The following TOX2 variants were observed in gnomAD, a reference collection of about 807,000 sequenced individuals.
TOX2 encodes TOX high mobility group box family member 2.
In TOX2, 15 loss-of-function variants were observed where a neutral mutation model predicts 47.4. That is an observed-to-expected ratio of 0.32 (90% CI 0.21 to 0.49). The LOEUF is 0.49. Ranked by LOEUF, TOX2 falls within the 20% of genes least tolerant of loss-of-function variation. The pLI, the probability that TOX2 is intolerant of heterozygous loss-of-function variation, is 0.99. For missense variants in TOX2, 622 were observed against 673.1 expected, an observed-to-expected ratio of 0.92 and a Z score of 0.84; for synonymous variants, 290 against 296.6, an observed-to-expected ratio of 0.98 and a Z score of 0.23.
At chr20:43,980,515 G>C (rs1056787718) in intron 2 of TOX2, among the ~76,000 whole-genome samples, 11 of 152,168 alleles carry the variant, frequency 7.2e-5, no homozygotes, top group Non-Finnish European at 1.3e-4. Context: ...TAATTGGGTT[G>C]TTTGTGACAC....
At chr20:43,929,454 C>G (rs1237443172) in intron 1 of TOX2, among the ~76,000 whole-genome samples, 1 of 152,132 alleles carries the variant, frequency 6.6e-6, no homozygotes, top group Non-Finnish European at 1.5e-5. Flanking sequence ...CCCTCAGTGA[C>G]TCCATTCCAG....
At chr20:43,931,683 T>C (rs1158273641) in intron 1 of TOX2, among the ~76,000 whole-genome samples, 5 of 152,098 alleles carry the variant, frequency 3.3e-5, no homozygotes, top group Non-Finnish European at 7.4e-5. Context: ...TTGCAGTTGT[T>C]CTGTGGGGGA....
chr20:43,981,736 G>A (rs1023715104), intron 2 of TOX2, among the ~76,000 whole-genome samples: 2 of 152,180 alleles, frequency 1.3e-5, no homozygotes, highest in Admixed American at 6.5e-5. Context: ...TCATCTTAGC[G>A]AAAAGGAAGT....
chr20:43,945,923 C>A, intron 1 of TOX2: 1 of 1,613,282 alleles, frequency 6.2e-7, no homozygotes, highest in Non-Finnish European at 8.5e-7. Context: ...ATGCAGCAGA[C>A]TCGCACAGAG....
At position 43,917,816 on chromosome 20, in the gene TOX2, A is replaced by T. The variant is rs192516256; in HGVS notation, c.99+2826A>T. 7.9e-5 allele frequency among the ~76,000 whole-genome samples: 12 copies of T among 152,364 alleles called. No individual in the cohort carries two copies. The East Asian group carries it at 2.3e-3, about 29-fold the overall frequency. ...ATTAAACACAATATTAGCATGCATT[A>T]GAAAAATAGCTTAACAGGTATGAAG... On this transcript the variant is annotated intron_variant, in intron 1 of 8. Transcript: ENST00000341197.
At chr20:43,998,906 C>T (rs762773088) in intron 2 of TOX2, among the ~76,000 whole-genome samples, 1 of 152,126 alleles carries the variant, frequency 6.6e-6, no homozygotes, top group African/African-American at 2.4e-5. Context: ...ATTACAGGCA[C>T]TCGCCACCAT....
chr20:44,040,422 G>T (rs182384452), intron 3 of TOX2, among the ~76,000 whole-genome samples: 3 of 152,264 alleles, frequency 2.0e-5, no homozygotes, highest in Non-Finnish European at 2.9e-5. Flanking sequence ...AGCTGGGAGG[G>T]GAGGCAGCAG....
Position 44,006,790 on chromosome 20 carries a change from A to G in TOX2, c.409A>G (p.Thr137Ala), listed in dbSNP as rs1254464852. The G allele has an allele frequency of 8.1e-6, 13 of 1,612,776 alleles. No individual in the cohort carries two copies. Among genetic ancestry groups the G allele is most frequent in the Admixed American group, 1.7e-5 (1 of 59,972 alleles). ...DSHLLSGQLPTIQEMVHSEVA... is the reference protein window; with the variant it reads ...DSHLLSGQLPAIQEMVHSEVA... ...CCACCTGCTGTCGGGCCAGCTGCCC[A>G]CGGTGAGTCCCTATCGCCTGCTGCA... The change falls in exon 3 of 9, where the codon ACG becomes GCG. Residue 137 changes from threonine to alanine, a missense_variant and splice_region_variant. Transcript: ENST00000341197.
chr20:43,993,465 G>A (rs184494334), intron 2 of TOX2, among the ~76,000 whole-genome samples: 479 of 152,148 alleles, frequency 3.1e-3, no homozygotes, highest in South Asian at 0.015. Context: ...TGGAGATGGG[G>A]ATGAGAGAGG....
At position 44,039,197 on chromosome 20, in the gene TOX2, AG is replaced by A. The variant is rs1463163030; in HGVS notation, c.412-12106del. 8.6e-6 allele frequency: 11 copies of A among 1,279,920 alleles called. No homozygotes were observed. In the East Asian group the frequency reaches 5.6e-4, roughly 65 times the overall value. The allele number at this position is 1,279,920 out of a possible 1,614,324, so 79.3% of individuals were successfully genotyped here. ...GTGAGGCCAGAGGATGGAGCAGGAG[AG>A]GGAAGGCTTCTCTGAGGAGGTGACA... On this transcript the variant is annotated intron_variant, in intron 3 of 8. Transcript: ENST00000341197.
At chr20:43,969,926 C>T (rs573853954) in intron 1 of TOX2, among the ~76,000 whole-genome samples, 1 of 152,318 alleles carries the variant, frequency 6.6e-6, no homozygotes, top group South Asian at 2.1e-4. Flanking sequence ...CTGCCCACCC[C>T]CTTGCCTGCC....
At chr20:44,048,143 C>A (rs1289455032) in intron 3 of TOX2, among the ~76,000 whole-genome samples, 2 of 151,822 alleles carry the variant, frequency 1.3e-5, no homozygotes, top group African/African-American at 4.8e-5. Context: ...TGCTTGAACC[C>A]TGGAGGTGGA....
Position 44,039,367 on chromosome 20 carries a change from A to T in TOX2, c.412-11939A>T, listed in dbSNP as rs1002055904. 5 of 1,238,358 alleles carry T rather than the reference A, an allele frequency of 4.0e-6. No homozygotes were observed. In the African/African-American group the frequency reaches 4.6e-5, roughly 11 times the overall value. 76.7% of individuals were successfully genotyped at this position (1,238,358 alleles called of 1,614,324 possible). ...TACAGATCCTCATGGAGCATTTTAC[A>T]TGGCTAGGCCATTGCTAAGTGGGCC... is the stretch of plus-strand genomic sequence containing the variant. On this transcript the variant is annotated intron_variant, in intron 3 of 8. Coordinates refer to ENST00000341197, the MANE Select transcript of TOX2 (RefSeq NM_001098797.2).
intron 1 of TOX2, among the ~76,000 whole-genome samples, chr20:43,919,951 CT>C (rs2069096121): frequency 6.6e-6 from 1 of 152,206 alleles, no homozygotes; most frequent in Admixed American, 6.5e-5. Flanking sequence ...GATTCCGTGT[CT>C]TTTGTCTGGC....
chr20:44,050,483 C>T lies in TOX2; in HGVS notation c.412-823C>T, dbSNP rs1045770576. Among the ~76,000 whole-genome samples, 7 of 152,114 alleles carry T rather than the reference C, an allele frequency of 4.6e-5. No homozygotes were observed. The East Asian group carries it at 5.8e-4, about 13-fold the overall frequency. On this transcript the variant is annotated intron_variant, in intron 3 of 8. Transcript: ENST00000341197. ...CCACAGATGCAGAGGAAATAAAAAT[C>T]GTAAGAGTATGCAAATAGGTATGCT...
intron 1 of TOX2, among the ~76,000 whole-genome samples, chr20:43,953,692 G>A (rs56735007): frequency 0.014 from 2,086 of 152,300 alleles, 53 homozygotes; most frequent in African/African-American, 0.048. Flanking sequence ...GAGGGTGAAG[G>A]ATGGGGCTGG....
chr20:44,061,760 T>A (rs530563510), intron 5 of TOX2, among the ~76,000 whole-genome samples: 1 of 152,244 alleles, frequency 6.6e-6, no homozygotes, highest in African/African-American at 2.4e-5. Flanking sequence ...CTGAATCCAA[T>A]GTTGTATCAG....
At chr20:44,021,504 C>T (rs993096769) in intron 3 of TOX2, among the ~76,000 whole-genome samples, 3 of 152,182 alleles carry the variant, frequency 2.0e-5, no homozygotes, top group African/African-American at 4.8e-5. Flanking sequence ...CACACAAGAC[C>T]CCCAACCACT....
At chr20:43,971,843 C>T (rs2069975184) in intron 1 of TOX2, among the ~76,000 whole-genome samples, 1 of 152,190 alleles carries the variant, frequency 6.6e-6, no homozygotes, top group Non-Finnish European at 1.5e-5. Context: ...GTATAGCATG[C>T]TGTCATGAAT....
Sources: gnomAD v4.1 joint callset for allele counts (sites outside exome capture counted in the v4.1 genomes callset) on GRCh38, gnomAD v4.1.1 for gene constraint, MANE v1.5 for transcripts, NCBI Gene and HGNC (gene_info 2026-07-23, HGNC 2026-07-21) for gene names.